The following CTNNA3 variants were observed in gnomAD, a reference collection of about 807,000 sequenced individuals.
CTNNA3 encodes catenin alpha-3.
CTNNA3 carries 76 observed loss-of-function variants against 95.7 expected under a neutral mutation model. The ratio of observed to expected loss-of-function variants is 0.79; its 90% CI spans 0.66 to 0.96. The LOEUF (loss-of-function observed/expected upper bound fraction) is 0.96. Ranked by LOEUF, CTNNA3 falls within the 40% of genes least tolerant of loss-of-function variation. CTNNA3 has a pLI of 0.00. For synonymous variants in CTNNA3, 431 were observed against 374.4 expected (o/e 1.15, Z -1.74); for missense variants, 1,191 against 1,089.8 (o/e 1.09, Z -1.31).
rs531905495 is a variant in CTNNA3 at position 67,227,022 on chromosome 10, A to G, written c.580-7152T>C. Reference sequence around the variant, plus strand: ...TCACCTAACATGTAAAGACTCACATAAACTTAAAGGGGTGGAAAAAGGTAT... The same window carrying G: ...TCACCTAACATGTAAAGACTCACATGAACTTAAAGGGGTGGAAAAAGGTAT... On this transcript the variant is annotated intron_variant, in intron 5 of 17. Transcript: ENST00000433211. Among the ~76,000 whole-genome samples, 4 of 152,298 alleles carry G rather than the reference A, an allele frequency of 2.6e-5. No individual in the cohort carries two copies. The East Asian group carries it at 7.7e-4, about 29-fold the overall frequency.
intron 5 of CTNNA3, among the ~76,000 whole-genome samples, chr10:67,282,411 C>T (rs1839435766): frequency 6.6e-6 from 1 of 152,048 alleles, no homozygotes; most frequent in Admixed American, 6.6e-5. Context: ...GAATGCAATT[C>T]ATAGGAAAAG....
At chr10:67,391,867 AC>A (rs1833543842) in intron 5 of CTNNA3, among the ~76,000 whole-genome samples, 1 of 151,508 alleles carries the variant, frequency 6.6e-6, no homozygotes, top group African/African-American at 2.4e-5. Flanking sequence ...GAAAGCTGAA[AC>A]TGGATCCCTT....
chr10:66,761,044 TA>T (rs1378166671), intron 9 of CTNNA3, among the ~76,000 whole-genome samples: 1 of 152,170 alleles, frequency 6.6e-6, no homozygotes, highest in Non-Finnish European at 1.5e-5. Flanking sequence ...TATTTATTTA[TA>T]ATCAAACATA....
intron 12 of CTNNA3, among the ~76,000 whole-genome samples, chr10:66,332,461 C>G (rs149591113): frequency 0.047 from 7,053 of 151,334 alleles, 254 homozygotes; most frequent in Non-Finnish European, 0.062. Flanking sequence ...TGTCAAAGGC[C>G]TTTTCTGCAT....
intron 1 of CTNNA3, among the ~76,000 whole-genome samples, chr10:67,654,427 T>C (rs73270181): frequency 0.13 from 20,178 of 152,100 alleles, 2,411 homozygotes; most frequent in African/African-American, 0.32. Flanking sequence ...CTTTCATTGT[T>C]TCCTCAATAT....
chr10:66,211,914 C>A lies in CTNNA3; in HGVS notation c.1884+68556G>T, dbSNP rs1424173648. ...TTATGTGGTTCAAGAATTGTTGAACCAATTTCAGATTATAACTTTTGTGCA... is the reference window on the plus strand; with the variant it reads ...TTATGTGGTTCAAGAATTGTTGAACAAATTTCAGATTATAACTTTTGTGCA... On this transcript the variant is annotated intron_variant, in intron 13 of 17. Transcript: ENST00000433211. Among the ~76,000 whole-genome samples the A allele has an allele frequency of 4.0e-5, 6 of 150,692 alleles. No homozygotes were observed. The South Asian group carries it at 6.3e-4, about 16-fold the overall frequency.
chr10:66,873,399 A>G (rs1844490017), intron 7 of CTNNA3, among the ~76,000 whole-genome samples: 5 of 151,024 alleles, frequency 3.3e-5, no homozygotes, highest in Admixed American at 6.6e-5. Flanking sequence ...ACTTTTTAAT[A>G]ATAGCCATTC....
rs185845545 is a variant in CTNNA3 at position 66,213,870 on chromosome 10, T to C, written c.1884+66600A>G. On this transcript the variant is annotated intron_variant, in intron 13 of 17. Transcript: ENST00000433211. Reference sequence around the variant, plus strand: ...GGCCCCTAGCCATACCTGAATTTCTTAGAAGGAAAATGTTTCCTCCCTTAG... The same window carrying C: ...GGCCCCTAGCCATACCTGAATTTCTCAGAAGGAAAATGTTTCCTCCCTTAG... Among the ~76,000 whole-genome samples, 17 of 152,304 alleles carry C rather than the reference T, an allele frequency of 1.1e-4. No homozygotes were observed. The East Asian group carries it at 3.1e-3, about 28-fold the overall frequency.
At chr10:67,006,626 AT>A (rs11367429) in intron 7 of CTNNA3, among the ~76,000 whole-genome samples, 3,534 of 152,282 alleles carry the variant, frequency 0.023, 163 homozygotes, top group African/African-American at 0.081. Flanking sequence ...AAGTTTACAA[AT>A]TATGTAATAA....
At chr10:67,032,072 C>T (rs1853760776) in intron 7 of CTNNA3, among the ~76,000 whole-genome samples, 1 of 152,098 alleles carries the variant, frequency 6.6e-6, no homozygotes, top group East Asian at 1.9e-4. Flanking sequence ...AGGTCATGTA[C>T]ATTTCATATT....
intron 5 of CTNNA3, among the ~76,000 whole-genome samples, chr10:67,501,355 T>G (rs1839226538): frequency 6.6e-6 from 1 of 152,226 alleles, no homozygotes; most frequent in East Asian, 1.9e-4. Flanking sequence ...TGGGCTTCCC[T>G]TTGCGGGTAA....
intron 10 of CTNNA3, among the ~76,000 whole-genome samples, chr10:66,586,844 G>A (rs573866739): frequency 2.4e-4 from 37 of 152,260 alleles, no homozygotes; most frequent in Middle Eastern, 6.8e-3. Flanking sequence ...AAGGCCCATG[G>A]TCTGCTTTCT....
At chr10:67,013,529 TA>T (rs1852469024) in intron 7 of CTNNA3, among the ~76,000 whole-genome samples, 1 of 152,210 alleles carries the variant, frequency 6.6e-6, no homozygotes, top group Admixed American at 6.5e-5. Context: ...TAAAACACTT[TA>T]TACTGAACTA....
chr10:67,036,705 G>A (rs1245789996), intron 7 of CTNNA3, among the ~76,000 whole-genome samples: 1 of 152,040 alleles, frequency 6.6e-6, no homozygotes, highest in African/African-American at 2.4e-5. Context: ...TAAATATCGA[G>A]GCTGTGCCCA....
chr10:66,360,818 T>TTCC lies in CTNNA3; in HGVS notation c.1732+18333_1732+18334insGGA, dbSNP rs1564897346. 4.5e-4 allele frequency among the ~76,000 whole-genome samples: 32 copies of TTCC among 71,150 alleles called. 3 individuals are homozygous for TTCC. Among genetic ancestry groups the TTCC allele is most frequent in the African/African-American group, 3.0e-3 (30 of 9,976 alleles). 46.7% of individuals were successfully genotyped at this position (71,150 alleles called of 152,430 possible). A position where few individuals can be genotyped will look rare whatever the true frequency, so the allele number is the denominator to read the frequency against. ...CTTCCTTCCTTCCTTCCTTCCTTCCTTTCTTTCTTTCTTTCTTTCTTTCTT... is the reference window on the plus strand; with the variant it reads ...CTTCCTTCCTTCCTTCCTTCCTTCCTTCCTTCTTTCTTTCTTTCTTTCTTTCTT... On this transcript the variant is annotated intron_variant, in intron 12 of 17. Coordinates refer to ENST00000433211, the MANE Select transcript of CTNNA3 (RefSeq NM_013266.4).
At chr10:67,726,465 G>A (rs1212480577) in intron 1 of CTNNA3, among the ~76,000 whole-genome samples, 10 of 13,546 alleles carry the variant, frequency 7.4e-4, no homozygotes, top group East Asian at 3.9e-3. Context: ...TATGATATAT[G>A]ATATAATATT....
At chr10:66,274,615 T>G (rs2091352869) in intron 13 of CTNNA3, among the ~76,000 whole-genome samples, 1 of 152,216 alleles carries the variant, frequency 6.6e-6, no homozygotes, top group Non-Finnish European at 1.5e-5. Flanking sequence ...TTTTATCTAT[T>G]TAAAATTAGC....
chr10:66,363,562 A>G (rs1176022131), intron 12 of CTNNA3, among the ~76,000 whole-genome samples: 1 of 152,156 alleles, frequency 6.6e-6, no homozygotes, highest in Non-Finnish European at 1.5e-5. Flanking sequence ...CTATTGCTTA[A>G]TCCACTACTC....
chr10:67,032,039 C>T (rs1853757502), intron 7 of CTNNA3, among the ~76,000 whole-genome samples: 1 of 152,104 alleles, frequency 6.6e-6, no homozygotes, highest in Non-Finnish European at 1.5e-5. Flanking sequence ...ATTTGTCTGC[C>T]TTCTTTTCCA....
Sources: gnomAD v4.1 joint callset for allele counts (sites outside exome capture counted in the v4.1 genomes callset) on GRCh38, gnomAD v4.1.1 for gene constraint, MANE v1.5 for transcripts, NCBI Gene and HGNC (gene_info 2026-07-23, HGNC 2026-07-21) for gene names.